The following CD247 variants were observed in gnomAD, a reference collection of about 807,000 sequenced individuals.
CD247 encodes T-cell surface glycoprotein CD3 zeta chain.
CD247 carries 13 observed loss-of-function variants against 30.0 expected under a neutral mutation model. The observed-to-expected ratio is 0.43, with a 90% CI of 0.28 to 0.69. CD247 has a LOEUF of 0.69. Ranked by LOEUF, CD247 falls within the 30% of genes least tolerant of loss-of-function variation. The probability of loss-of-function intolerance (pLI) is 0.16; values close to 1 mark genes in which losing one functional copy is unlikely to be tolerated. For synonymous variants in CD247, 72 were observed against 80.0 expected, an observed-to-expected ratio of 0.90 and a Z score of 0.53; for missense variants, 193 against 212.6, an observed-to-expected ratio of 0.91 and a Z score of 0.57.
At chr1:167,463,829 A>T (rs781487831) in intron 1 of CD247, among the ~76,000 whole-genome samples, 11 of 152,216 alleles carry the variant, frequency 7.2e-5, no homozygotes, top group African/African-American at 9.7e-5. Flanking sequence ...TGGCTAATGA[A>T]TTTTCCTTTT....
Position 167,446,856 on chromosome 1 carries a change from G to A in CD247, c.59-6089C>T, listed in dbSNP as rs138419053. ...AAAAATACAAAAAAATTAGCCGGGC[G>A]TGGTGGCAGGCACCTGTGGTCCCAG... On this transcript the variant is annotated intron_variant, in intron 1 of 7. Transcript: ENST00000362089. 2.0e-3 allele frequency among the ~76,000 whole-genome samples: 305 copies of A among 152,308 alleles called. 1 individual carries two copies. The highest frequency in any genetic ancestry group is 6.5e-3 in the African/African-American group (272 of 41,552).
intron 1 of CD247, among the ~76,000 whole-genome samples, chr1:167,468,703 C>T (rs928578494): frequency 6.6e-6 from 1 of 152,168 alleles, no homozygotes; most frequent in African/African-American, 2.4e-5. Context: ...ACTTTGCTCC[C>T]AGTAAAGGGA....
chr1:167,491,426 G>A (rs10918704), intron 1 of CD247, among the ~76,000 whole-genome samples: 19,063 of 152,104 alleles, frequency 0.13, 1,336 homozygotes, highest in Middle Eastern at 0.19. Flanking sequence ...AAATTAGCCG[G>A]ACATGGTGGC....
chr1:167,488,721 A>G lies in CD247; in HGVS notation c.58+29687T>C, dbSNP rs1654316108. Among the ~76,000 whole-genome samples, 3 of 152,246 alleles carry G rather than the reference A, an allele frequency of 2.0e-5. No homozygotes were observed. In the South Asian group the frequency reaches 6.2e-4, roughly 31 times the overall value. On this transcript the variant is annotated intron_variant, in intron 1 of 7. Coordinates refer to ENST00000362089, the MANE Select transcript of CD247 (RefSeq NM_198053.3). ...TGATTAAGTTTTTGTCAAGCAGGGA[A>G]TCTTTAGCAGTTGACATAATGACAA... is the stretch of plus-strand genomic sequence containing the variant.
At chr1:167,483,732 G>A (rs1654072890) in intron 1 of CD247, among the ~76,000 whole-genome samples, 1 of 152,256 alleles carries the variant, frequency 6.6e-6, no homozygotes, top group African/African-American at 2.4e-5. Context: ...TCTGGGAGGT[G>A]GCACAATGTG....
chr1:167,473,092 T>TACACACACACAC lies in CD247; in HGVS notation c.59-32337_59-32326dup, dbSNP rs35004482. Among the ~76,000 whole-genome samples the TACACACACACAC allele has an allele frequency of 5.1e-3, 751 of 146,602 alleles. 8 individuals carry two copies. The highest frequency in any genetic ancestry group is 0.012 in the African/African-American group (465 of 39,650). ...CTCCTTAGGCGTCTTCTTCAAGTTT[T>TACACACACACAC]ACACACACACACACACACACACACA... On this transcript the variant is annotated intron_variant, in intron 1 of 7. Coordinates refer to ENST00000362089, the MANE Select transcript of CD247 (RefSeq NM_198053.3).
intron 1 of CD247, among the ~76,000 whole-genome samples, chr1:167,451,446 G>A (rs1228215776): frequency 6.6e-6 from 1 of 152,158 alleles, no homozygotes; most frequent in Admixed American, 6.6e-5. Context: ...AGGCTATACT[G>A]CCAGCCTCCA....
intron 1 of CD247, among the ~76,000 whole-genome samples, chr1:167,484,537 G>T (rs544265240): frequency 6.6e-6 from 1 of 152,226 alleles, no homozygotes; most frequent in African/African-American, 2.4e-5. Context: ...AGCACTTTGG[G>T]AGGCCAAGGC....
intron 1 of CD247, among the ~76,000 whole-genome samples, chr1:167,491,016 A>G (rs1053624960): frequency 2.0e-5 from 3 of 152,120 alleles, no homozygotes; most frequent in Non-Finnish European, 4.4e-5. Flanking sequence ...GCAGGCTAAA[A>G]TTAATTTGTT....
At chr1:167,495,494 A>G (rs1654653336) in intron 1 of CD247, among the ~76,000 whole-genome samples, 1 of 152,220 alleles carries the variant, frequency 6.6e-6, no homozygotes, top group Admixed American at 6.5e-5. Flanking sequence ...TTGAACAAAC[A>G]TCACTAAGTA....
chr1:167,514,620 T>C (rs1372450484), intron 1 of CD247, among the ~76,000 whole-genome samples: 1 of 152,188 alleles, frequency 6.6e-6, no homozygotes, highest in East Asian at 1.9e-4. Context: ...ATTTTTTTTT[T>C]TAACCATATT....
At position 167,431,110 on chromosome 1, in the gene CD247, G is replaced by A. The variant is rs774465852; in HGVS notation, c.*571C>T. 7 of 364,672 alleles carry A rather than the reference G, an allele frequency of 1.9e-5. No homozygotes were observed. Among genetic ancestry groups the A allele is most frequent in the South Asian group, 1.1e-4 (1 of 9,248 alleles). The allele number at this position is 364,672 out of a possible 1,614,324, so 22.6% of individuals were successfully genotyped here. On this transcript the variant is annotated 3_prime_UTR_variant, in exon 8 of 8. Coordinates refer to ENST00000362089, the MANE Select transcript of CD247 (RefSeq NM_198053.3). The stretch of plus-strand genomic sequence containing the variant: ...GGCCCTGGCTGACCCTCCCCTGCCC[G>A]CCCACCTTCCCATGCCCCTGCAGCT...
intron 1 of CD247, among the ~76,000 whole-genome samples, chr1:167,475,527 G>T (rs1332573740): frequency 6.6e-6 from 1 of 152,128 alleles, no homozygotes; most frequent in Admixed American, 6.5e-5. Context: ...TGAAATAGAG[G>T]CTCTAGGCAA....
At chr1:167,480,371 C>T (rs1214609) in intron 1 of CD247, among the ~76,000 whole-genome samples, 30,987 of 152,026 alleles carry the variant, frequency 0.2, 3,455 homozygotes, top group Admixed American at 0.31. Context: ...CTTTAATACA[C>T]CAAGAAAAAC....
At position 167,431,764 on chromosome 1, in the gene CD247, C is replaced by T. The variant is rs116757108; in HGVS notation, c.430-18G>A. 1.5e-4 allele frequency: 247 copies of T among 1,613,208 alleles called. No homozygotes were observed. The African/African-American group carries it at 3.1e-3, about 20-fold the overall frequency. On this transcript the variant is annotated intron_variant, in intron 7 of 7. Transcript: ENST00000362089. ...CTGAGACCCTGGCGTGAAAGCAAAT[C>T]AGAAAACAAAGAGTGGGTCAGTAGC...
Position 167,440,726 on chromosome 1 carries a change from G to A in CD247, c.100C>T (p.Leu34=), listed in dbSNP as rs181342622. Residue 34 remains leucine, a synonymous_variant, in exon 2 of 8, where the codon CTG becomes TTG. Coordinates refer to ENST00000362089, the MANE Select transcript of CD247 (RefSeq NM_198053.3). ...FGLLDPKLCY[L]LDGILFIYGV... The stretch of plus-strand genomic sequence containing the variant: ...TAGATGAAGAGGATTCCATCCAGCA[G>A]GTAGCAGAGTTTGGGATCCAGCAGG... 1.5e-4 allele frequency: 247 copies of A among 1,613,850 alleles called. 1 individual carries two copies. In the East Asian group the frequency reaches 3.8e-3, roughly 25 times the overall value.
intron 1 of CD247, among the ~76,000 whole-genome samples, chr1:167,454,650 A>C (rs922723306): frequency 1.2e-5 from 1 of 84,562 alleles, no homozygotes; most frequent in South Asian, 5.2e-4. Context: ...TACTGCTGGT[A>C]AATAGCATGA....
intron 4 of CD247, among the ~76,000 whole-genome samples, chr1:167,436,622 G>A (rs899955502): frequency 6.6e-6 from 1 of 152,118 alleles, no homozygotes; most frequent in Admixed American, 6.5e-5. Flanking sequence ...ATGGATTAAA[G>A]ACTTAAACAT....
chr1:167,443,272 G>A (rs1010150730), intron 1 of CD247, among the ~76,000 whole-genome samples: 1 of 152,194 alleles, frequency 6.6e-6, no homozygotes, highest in African/African-American at 2.4e-5. Context: ...TCAGAGTGCA[G>A]GGCACAGGGT....
Sources: gnomAD v4.1 joint callset for allele counts (sites outside exome capture counted in the v4.1 genomes callset) on GRCh38, gnomAD v4.1.1 for gene constraint, MANE v1.5 for transcripts, NCBI Gene and HGNC (gene_info 2026-07-23, HGNC 2026-07-21) for gene names.